CNTN4: variants seen among roughly 807,000 people sequenced by gnomAD.
CNTN4 encodes the protein contactin-4.
In CNTN4, 77 loss-of-function variants were observed where a neutral mutation model predicts 122.5. The observed-to-expected ratio is 0.63, with a 90% CI of 0.52 to 0.76. The LOEUF is 0.76. Ranked by LOEUF, CNTN4 falls within the 30% of genes least tolerant of loss-of-function variation. CNTN4 has a pLI of 0.00. For synonymous variants in CNTN4, 512 were observed against 447.0 expected (o/e 1.15, Z -1.83); for missense variants, 1,256 against 1,259.1 (o/e 1.00, Z 0.04).
intron 13 of CNTN4, among the ~76,000 whole-genome samples, chr3:2,943,486 C>T (rs991865623): frequency 1.3e-5 from 2 of 151,720 alleles, no homozygotes; most frequent in Non-Finnish European, 2.9e-5. Flanking sequence ...GCACCATCTT[C>T]GTTCTTGATT....
At chr3:2,400,710 G>A (rs1297006682) in intron 3 of CNTN4, among the ~76,000 whole-genome samples, 2 of 150,944 alleles carry the variant, frequency 1.3e-5, no homozygotes, top group Non-Finnish European at 3.0e-5. Context: ...TATTTGAAGT[G>A]TTGTACCTAT....
intron 3 of CNTN4, among the ~76,000 whole-genome samples, chr3:2,526,108 A>G (rs891052817): frequency 1.3e-5 from 2 of 151,770 alleles, no homozygotes; most frequent in East Asian, 3.9e-4. Context: ...AATCCCGCCC[A>G]CCCTCCTAAC....
chr3:2,567,107 A>T (rs2079199909), intron 3 of CNTN4, among the ~76,000 whole-genome samples: 2 of 137,476 alleles, frequency 1.5e-5, no homozygotes, highest in African/African-American at 5.6e-5. Context: ...TTTTTTTCAG[A>T]CGGAGTCTTG....
chr3:2,773,663 A>C (rs140029595), intron 6 of CNTN4, among the ~76,000 whole-genome samples: 1 of 151,412 alleles, frequency 6.6e-6, no homozygotes, highest in African/African-American at 2.4e-5. Flanking sequence ...GATGGCAACT[A>C]TGTCACCTTT....
At chr3:2,761,423 C>G (rs1002925114) in intron 6 of CNTN4, among the ~76,000 whole-genome samples, 22 of 142,106 alleles carry the variant, frequency 1.5e-4, no homozygotes, top group African/African-American at 5.7e-4. Flanking sequence ...ATTAAATATG[C>G]CTGGTAAGTG....
At chr3:2,306,070 A>G (rs190472350) in intron 2 of CNTN4, among the ~76,000 whole-genome samples, 1 of 152,088 alleles carries the variant, frequency 6.6e-6, no homozygotes, top group African/African-American at 2.4e-5. Flanking sequence ...ATTTTTTGTA[A>G]TTATAAATAA....
intron 12 of CNTN4, among the ~76,000 whole-genome samples, chr3:2,914,730 C>T (rs193158920): frequency 3.9e-5 from 6 of 152,202 alleles, no homozygotes; most frequent in Non-Finnish European, 7.3e-5. Flanking sequence ...CACCAGTTTT[C>T]CCCAAACCCT....
intron 3 of CNTN4, among the ~76,000 whole-genome samples, chr3:2,517,773 A>C (rs2077082153): frequency 6.6e-6 from 1 of 152,280 alleles, no homozygotes; most frequent in African/African-American, 2.4e-5. Flanking sequence ...AGATAGGTAA[A>C]GCTGCTCACA....
chr3:2,784,469 G>C (rs1280453406), intron 6 of CNTN4, among the ~76,000 whole-genome samples: 8 of 152,246 alleles, frequency 5.3e-5, no homozygotes, highest in African/African-American at 1.9e-4. Context: ...AGAAGTTAAG[G>C]TCTTTGCCTG....
intron 2 of CNTN4, among the ~76,000 whole-genome samples, chr3:2,329,052 C>G (rs1356489776): frequency 6.6e-6 from 1 of 151,782 alleles, no homozygotes; most frequent in African/African-American, 2.4e-5. Context: ...AAATTTTTCA[C>G]AAATGGAAAA....
intron 3 of CNTN4, among the ~76,000 whole-genome samples, chr3:2,415,762 A>G (rs1466683743): frequency 6.6e-6 from 1 of 152,138 alleles, no homozygotes; most frequent in African/African-American, 2.4e-5. Flanking sequence ...CCATTTCTGC[A>G]CTATTGAGGT....
At chr3:2,437,977 A>G (rs540560332) in intron 3 of CNTN4, among the ~76,000 whole-genome samples, 14 of 152,264 alleles carry the variant, frequency 9.2e-5, no homozygotes, top group African/African-American at 3.4e-4. Flanking sequence ...CCCAGCATCA[A>G]AATTGGTACT....
intron 4 of CNTN4, among the ~76,000 whole-genome samples, chr3:2,609,683 T>C (rs2081400692): frequency 6.6e-6 from 1 of 152,208 alleles, no homozygotes; most frequent in Non-Finnish European, 1.5e-5. Flanking sequence ...AAAGAAAATA[T>C]ACCTTTGAGA....
At chr3:2,579,638 A>G (rs980317857) in intron 4 of CNTN4, among the ~76,000 whole-genome samples, 2 of 152,184 alleles carry the variant, frequency 1.3e-5, no homozygotes, top group Non-Finnish European at 2.9e-5. Context: ...TTAGTGCAGC[A>G]TCTGATACTT....
chr3:2,338,937 ATGACCTTCT>A (rs2044071890), intron 2 of CNTN4, among the ~76,000 whole-genome samples: 2 of 152,270 alleles, frequency 1.3e-5, no homozygotes, highest in Admixed American at 1.3e-4. Context: ...TAGAGTGGTG[ATGACCTTCT>A]CAAAAGTCAC....
At chr3:2,475,462 T>G (rs1359756418) in intron 3 of CNTN4, among the ~76,000 whole-genome samples, 1 of 152,186 alleles carries the variant, frequency 6.6e-6, no homozygotes, top group African/African-American at 2.4e-5. Context: ...AAACATGTAT[T>G]CACAGCTTGG....
At chr3:2,609,042 A>T (rs890730403) in intron 4 of CNTN4, among the ~76,000 whole-genome samples, 1 of 152,186 alleles carries the variant, frequency 6.6e-6, no homozygotes, top group Non-Finnish European at 1.5e-5. Flanking sequence ...GACAAGTCAC[A>T]TTCAGCCACT....
intron 2 of CNTN4, chr3:2,132,507 T>C (rs560482739): frequency 6.6e-5 from 10 of 152,188 alleles, no homozygotes; most frequent in Non-Finnish European, 8.8e-5. Context: ...GCAGCTGTTT[T>C]ATTATAATTG....
At chr3:2,190,021 C>T (rs1457887539) in intron 2 of CNTN4, among the ~76,000 whole-genome samples, 1 of 152,162 alleles carries the variant, frequency 6.6e-6, no homozygotes, top group African/African-American at 2.4e-5. Context: ...ACTCTGCTCT[C>T]CTGCAGATAC....
Sources: allele counts gnomAD v4.1 joint callset (sites outside exome capture counted in the v4.1 genomes callset), GRCh38; gene constraint gnomAD v4.1.1; transcripts MANE v1.5; gene names NCBI Gene and HGNC (gene_info 2026-07-23, HGNC 2026-07-21).